NTF3: variants seen among roughly 807,000 people sequenced by gnomAD.
The protein encoded by NTF3 is neurotrophin-3.
A neutral mutation model predicts 26.3 loss-of-function variants in NTF3; 8 were observed. The ratio of observed to expected loss-of-function variants is 0.30; its 90% CI spans 0.18 to 0.55. NTF3 has a LOEUF of 0.55. Among genes scored for constraint, NTF3 ranks in the 20% least tolerant of loss-of-function variants. NTF3 has a pLI of 0.93. For synonymous variants in NTF3, 154 were observed against 145.5 expected (o/e 1.06, Z -0.42); for missense variants, 276 against 352.9 (o/e 0.78, Z 1.75).
At chr12:5,435,496 T>A (rs1404644072) in intron 1 of NTF3, among the ~76,000 whole-genome samples, 2 of 152,154 alleles carry the variant, frequency 1.3e-5, no homozygotes, top group Non-Finnish European at 2.9e-5. Context: ...TCTCTGGTTT[T>A]GTAAAAAGTG....
At chr12:5,438,157 C>CAA (rs796739638) in intron 1 of NTF3, among the ~76,000 whole-genome samples, 5 of 101,646 alleles carry the variant, frequency 4.9e-5, no homozygotes, top group African/African-American at 1.5e-4. Flanking sequence ...TGAGGCTGGA[C>CAA]AAAAAAAAAA....
chr12:5,448,089 T>C (rs1940327751), intron 1 of NTF3, among the ~76,000 whole-genome samples: 1 of 152,190 alleles, frequency 6.6e-6, no homozygotes, highest in Non-Finnish European at 1.5e-5. Context: ...CTGCACACAC[T>C]TGCACCTGTA....
At chr12:5,430,368 G>A (rs1940069756), upstream of NTF3, among the ~76,000 whole-genome samples, 1 of 152,076 alleles carries the variant, frequency 6.6e-6, no homozygotes, top group African/African-American at 2.4e-5. Context: ...GCTGGGTGGA[G>A]GGAACGACTC....
Position 5,494,393 on chromosome 12 carries a change from A to G in NTF3, c.218A>G (p.Gln73Arg). 2 of 1,613,956 alleles carry G rather than the reference A, an allele frequency of 1.2e-6. No homozygotes were observed. The highest frequency in any genetic ancestry group is 2.2e-5 in the South Asian group (2 of 91,062). The change falls in exon 2 of 2, where the codon CAG becomes CGG. Residue 73 changes from glutamine (Q) to arginine (R), a missense_variant. Physicochemically the swap from Gln to Arg is conservative, Grantham distance 43. Transcript: ENST00000423158. This position sits in a 1 kb window ranked among gnomAD's most constrained non-coding sequence, Gnocchi z 8.3. ...ATGGTGGACGTTAAGGAAAATTACC[A>G]GAGCACCCTGCCCAAAGCTGAGGCT... ...KQMVDVKENY[Q>R]STLPKAEAPR...
Position 5,432,556 on chromosome 12 carries a change from T to TAC in NTF3, c.18+264_18+265dup, listed in dbSNP as rs57075143. On this transcript the variant is annotated intron_variant, in intron 1 of 1. Transcript: ENST00000423158. ...CGAAGCGCAACCGCAGCCACCCCGC[T>TAC]ACACACACACACACACACACACACA... Among the ~76,000 whole-genome samples the TAC allele has an allele frequency of 9.2e-3, 1,143 of 124,038 alleles. 6 individuals are homozygous for TAC. The highest frequency in any genetic ancestry group is 0.025 in the South Asian group (80 of 3,226). The allele number at this position is 124,038 out of a possible 152,430, so 81.4% of individuals were successfully genotyped here. A position where few individuals can be genotyped will look rare whatever the true frequency, so the allele number is the denominator to read the frequency against.
intron 1 of NTF3, among the ~76,000 whole-genome samples, chr12:5,460,078 A>G (rs1940507391): frequency 6.6e-6 from 1 of 152,198 alleles, no homozygotes; most frequent in Non-Finnish European, 1.5e-5. Context: ...TTAACCAGCT[A>G]TTACAGAGTT....
intron 1 of NTF3, among the ~76,000 whole-genome samples, chr12:5,448,174 G>GT (rs1157991393): frequency 2.0e-5 from 3 of 152,294 alleles, no homozygotes; most frequent in South Asian, 4.1e-4. Flanking sequence ...CTACCACAAT[G>GT]TCCCCTGCCT....
At chr12:5,467,900 C>G (rs1940613057) in intron 1 of NTF3, among the ~76,000 whole-genome samples, 1 of 152,114 alleles carries the variant, frequency 6.6e-6, no homozygotes, top group Admixed American at 6.5e-5. Context: ...CCTTGGACAC[C>G]CTTGAAAGTG....
Position 5,479,863 on chromosome 12 carries a change from A to G in NTF3, c.19-14331A>G, listed in dbSNP as rs146468476. On this transcript the variant is annotated intron_variant, in intron 1 of 1. Coordinates refer to ENST00000423158, the MANE Select transcript of NTF3 (RefSeq NM_001102654.2). ...CTTTTGGGAAAGCCTTGTTGCTCTC[A>G]GACTGGCCTCTAGGCCTCATGTTTT... Among the ~76,000 whole-genome samples, 144 of 152,280 alleles carry G rather than the reference A, an allele frequency of 9.5e-4. No homozygotes were observed. The East Asian group carries it at 0.025, about 27-fold the overall frequency.
chr12:5,477,184 T>A (rs1020334297), intron 1 of NTF3, among the ~76,000 whole-genome samples: 3 of 152,214 alleles, frequency 2.0e-5, no homozygotes, highest in African/African-American at 7.2e-5. Context: ...ATGGCCCTAG[T>A]GTTTGAGAAC....
chr12:5,446,059 G>T (rs775704832), intron 1 of NTF3, among the ~76,000 whole-genome samples: 47 of 152,144 alleles, frequency 3.1e-4, no homozygotes, highest in Non-Finnish European at 6.0e-4. Context: ...GTAACAGGGT[G>T]CAGACACCTA....
chr12:5,460,295 T>C (rs1257736500), intron 1 of NTF3, among the ~76,000 whole-genome samples: 1 of 152,206 alleles, frequency 6.6e-6, no homozygotes, highest in Non-Finnish European at 1.5e-5. Flanking sequence ...CATTATAGCA[T>C]ACAGAATAGT....
chr12:5,434,598 T>A (rs1940144421), intron 1 of NTF3, among the ~76,000 whole-genome samples: 2 of 151,930 alleles, frequency 1.3e-5, no homozygotes, highest in Admixed American at 1.3e-4. Context: ...GGCATCTGTG[T>A]GCTTAGCGGG....
intron 1 of NTF3, among the ~76,000 whole-genome samples, chr12:5,479,363 A>ATCACAGATACTGTTAGAGTATC (rs1940760381): frequency 6.6e-6 from 1 of 152,204 alleles, no homozygotes; most frequent in Admixed American, 6.5e-5. Context: ...AAACCGGTGC[A>ATCACAGATACTGTTAGAGTATC]TCACAGATAC....
chr12:5,442,401 G>T (rs762561022), intron 1 of NTF3, among the ~76,000 whole-genome samples: 2 of 152,108 alleles, frequency 1.3e-5, no homozygotes, highest in African/African-American at 2.4e-5. Flanking sequence ...GGGGGAACAC[G>T]CATGTTGTAC....
intron 1 of NTF3, among the ~76,000 whole-genome samples, chr12:5,492,372 C>G (rs936334137): frequency 6.6e-6 from 1 of 152,212 alleles, no homozygotes; most frequent in Non-Finnish European, 1.5e-5. Context: ...TCAATAGACT[C>G]TCAGTCCTAA....
intron 1 of NTF3, among the ~76,000 whole-genome samples, chr12:5,467,090 C>T (rs1000980293): frequency 4.0e-5 from 6 of 151,764 alleles, no homozygotes; most frequent in Admixed American, 3.3e-4. Flanking sequence ...ATTAGCCAGG[C>T]GTACTGGCAG....
At chr12:5,491,781 G>A (rs979242839) in intron 1 of NTF3, among the ~76,000 whole-genome samples, 3 of 145,084 alleles carry the variant, frequency 2.1e-5, no homozygotes, top group African/African-American at 7.7e-5. Flanking sequence ...GTGCAGTGGC[G>A]TGATGTTGGC....
rs12321502 is a variant in NTF3 at position 5,432,418 on chromosome 12, G to T, written c.18+76G>T. 1.1e-5 allele frequency: 17 copies of T among 1,542,248 alleles called. No individual in the cohort carries two copies. In the African/African-American group the frequency reaches 2.2e-4, roughly 20 times the overall value. On this transcript the variant is annotated intron_variant, in intron 1 of 1. Transcript: ENST00000423158. ...CCACGTGGGGAGGGATTTTCCAGTG[G>T]ACTGGTGCGGGGGGCCCCAGATCCG...
Sources: gnomAD v4.1 joint callset for allele counts (sites outside exome capture counted in the v4.1 genomes callset) on GRCh38, gnomAD v4.1.1 for gene constraint, Gnocchi (gnomAD v3.1) non-coding constraint, MANE v1.5 for transcripts, NCBI Gene and HGNC (gene_info 2026-07-23, HGNC 2026-07-21) for gene names.